Variants in SLC35F3 observed in about 807,000 individuals in gnomAD.
SLC35F3 encodes the protein putative thiamine transporter SLC35F3.
SLC35F3 carries 25 observed loss-of-function variants against 49.9 expected under a neutral mutation model. That is an observed-to-expected ratio of 0.50 (90% CI 0.37 to 0.70). The LOEUF (loss-of-function observed/expected upper bound fraction) is 0.70. SLC35F3 is among the 30% of genes least tolerant of loss of function. SLC35F3 has a pLI of 0.00. For missense variants in SLC35F3, 525 were observed against 639.8 expected (o/e 0.82, Z 1.94); for synonymous variants, 275 against 265.4 (o/e 1.04, Z -0.35).
chr1:234,142,933 A>G (rs1043145690), intron 2 of SLC35F3, among the ~76,000 whole-genome samples: 14 of 152,178 alleles, frequency 9.2e-5, no homozygotes, highest in African/African-American at 3.4e-4. Flanking sequence ...ATTTTTAATT[A>G]TATATATTTA....
chr1:234,295,341 G>A (rs940177367), intron 3 of SLC35F3, among the ~76,000 whole-genome samples: 1 of 152,208 alleles, frequency 6.6e-6, no homozygotes, highest in East Asian at 1.9e-4. Flanking sequence ...TAGCTCATTG[G>A]ATACTGCATT....
intron 2 of SLC35F3, among the ~76,000 whole-genome samples, chr1:234,116,070 T>C (rs1265630870): frequency 6.6e-6 from 1 of 152,182 alleles, no homozygotes; most frequent in Non-Finnish European, 1.5e-5. Flanking sequence ...AAATCCACAT[T>C]TCATATGTGA....
intron 2 of SLC35F3, among the ~76,000 whole-genome samples, chr1:234,123,150 T>C (rs1358834226): frequency 1.3e-5 from 2 of 152,240 alleles, no homozygotes; most frequent in Admixed American, 6.5e-5. Flanking sequence ...GATTTTTTAA[T>C]AATCACCATT....
intron 2 of SLC35F3, among the ~76,000 whole-genome samples, chr1:233,974,927 T>C (rs1302059111): frequency 6.6e-6 from 1 of 152,232 alleles, no homozygotes; most frequent in African/African-American, 2.4e-5. Flanking sequence ...GATTCTAACC[T>C]GTGCATAACA....
chr1:234,245,014 T>G (rs1431538673), intron 3 of SLC35F3, among the ~76,000 whole-genome samples: 1 of 152,222 alleles, frequency 6.6e-6, no homozygotes, highest in Non-Finnish European at 1.5e-5. Context: ...ACACAAAATA[T>G]TGTTTGCTAA....
intron 2 of SLC35F3, among the ~76,000 whole-genome samples, chr1:233,925,700 A>T (rs373378582): frequency 6.6e-6 from 1 of 152,146 alleles, no homozygotes; most frequent in Non-Finnish European, 1.5e-5. Context: ...TATTTTGCTC[A>T]TTAGTTGATG....
At chr1:234,224,505 T>C (rs1292310660) in intron 2 of SLC35F3, among the ~76,000 whole-genome samples, 2 of 152,224 alleles carry the variant, frequency 1.3e-5, no homozygotes, top group Non-Finnish European at 2.9e-5. Flanking sequence ...CATATCCTAG[T>C]GCAGGGTCCC....
chr1:233,950,023 G>A (rs1468325154), intron 2 of SLC35F3, among the ~76,000 whole-genome samples: 1 of 152,094 alleles, frequency 6.6e-6, no homozygotes, highest in Non-Finnish European at 1.5e-5. Context: ...CTCTGCACAC[G>A]AGGTGAGAAA....
intron 2 of SLC35F3, among the ~76,000 whole-genome samples, chr1:233,960,745 C>G (rs1331598106): frequency 1.3e-5 from 2 of 152,174 alleles, no homozygotes; most frequent in East Asian, 3.9e-4. Flanking sequence ...AGAATGGAAC[C>G]CCACTGCCAG....
chr1:234,310,870 G>GATGCTTCT (rs1448777131), intron 4 of SLC35F3, among the ~76,000 whole-genome samples: 1 of 152,182 alleles, frequency 6.6e-6, no homozygotes, highest in African/African-American at 2.4e-5. Flanking sequence ...AAAGCAACAT[G>GATGCTTCT]ATGCTTCTAG....
chr1:234,140,695 T>C (rs1275190478), intron 2 of SLC35F3, among the ~76,000 whole-genome samples: 1 of 152,160 alleles, frequency 6.6e-6, no homozygotes, highest in Non-Finnish European at 1.5e-5. Flanking sequence ...AATTCGGCAA[T>C]GGAAACTATG....
intron 3 of SLC35F3, among the ~76,000 whole-genome samples, chr1:234,283,104 G>A (rs1220627294): frequency 6.6e-6 from 1 of 152,108 alleles, no homozygotes; most frequent in Non-Finnish European, 1.5e-5. Flanking sequence ...TAGCATCAGG[G>A]CCATGGGATT....
intron 2 of SLC35F3, among the ~76,000 whole-genome samples, chr1:234,206,133 G>A (rs1666966622): frequency 6.6e-6 from 1 of 152,078 alleles, no homozygotes; most frequent in African/African-American, 2.4e-5. Flanking sequence ...CTCTCTGTGT[G>A]ACACTCCATA....
intron 2 of SLC35F3, among the ~76,000 whole-genome samples, chr1:234,192,626 T>C (rs780565883): frequency 6.6e-6 from 1 of 152,086 alleles, no homozygotes; most frequent in Non-Finnish European, 1.5e-5. Flanking sequence ...ATAAAGGACA[T>C]CCAGATCAGT....
intron 2 of SLC35F3, among the ~76,000 whole-genome samples, chr1:234,183,193 T>G (rs1017724036): frequency 7.0e-6 from 1 of 142,322 alleles, no homozygotes; most frequent in African/African-American, 2.4e-5. Context: ...ATTCTTGTAT[T>G]TTTTTGTAGA....
At chr1:234,054,539 T>A (rs1382388057) in intron 2 of SLC35F3, among the ~76,000 whole-genome samples, 1 of 152,214 alleles carries the variant, frequency 6.6e-6, no homozygotes, top group Admixed American at 6.5e-5. Context: ...TAGCCATTCA[T>A]CTAATGTTTT....
intron 2 of SLC35F3, among the ~76,000 whole-genome samples, chr1:234,105,734 A>G (rs1665275745): frequency 6.6e-6 from 1 of 152,232 alleles, no homozygotes; most frequent in South Asian, 2.1e-4. Context: ...TCAGAAAGGC[A>G]AACTGATTGT....
At chr1:234,058,614 G>A (rs189035653) in intron 2 of SLC35F3, among the ~76,000 whole-genome samples, 5 of 152,016 alleles carry the variant, frequency 3.3e-5, no homozygotes, top group Non-Finnish European at 7.4e-5. Context: ...CAAAGTGTTG[G>A]GATAACAGGC....
At chr1:234,004,944 A>G (rs2102834432) in intron 2 of SLC35F3, among the ~76,000 whole-genome samples, 1 of 152,332 alleles carries the variant, frequency 6.6e-6, no homozygotes, top group South Asian at 2.1e-4. Flanking sequence ...TAATCATAGA[A>G]GCAATAATCT....
Sources: gnomAD v4.1 joint callset for allele counts (sites outside exome capture counted in the v4.1 genomes callset) on GRCh38, gnomAD v4.1.1 for gene constraint, MANE v1.5 for transcripts, NCBI Gene and HGNC (gene_info 2026-07-23, HGNC 2026-07-21) for gene names.